The following TERF1 variants were observed in gnomAD, a reference collection of about 807,000 sequenced individuals.
The protein encoded by TERF1 is telomeric repeat binding factor 1.
TERF1 carries 20 observed loss-of-function variants against 55.1 expected under a neutral mutation model. The ratio of observed to expected loss-of-function variants is 0.36; its 90% CI spans 0.26 to 0.53. The LOEUF is 0.53. TERF1 is among the 20% of genes least tolerant of loss of function. The pLI, the probability that TERF1 is intolerant of heterozygous loss-of-function variation, is 0.91. For synonymous variants in TERF1, 168 were observed against 181.2 expected (o/e 0.93, Z 0.59); for missense variants, 439 against 535.7 (o/e 0.82, Z 1.78).
At chr8:73,025,754 C>CAAAAAAA (rs35028162) in intron 5 of TERF1, among the ~76,000 whole-genome samples, 1 of 47,262 alleles carries the variant, frequency 2.1e-5, no homozygotes, top group Non-Finnish European at 3.8e-5. Flanking sequence ...GACTCTGTCT[C>CAAAAAAA]AAAAAAAAAA....
At chr8:73,022,924 G>A (rs2975854) in intron 4 of TERF1, among the ~76,000 whole-genome samples, 1 of 151,922 alleles carries the variant, frequency 6.6e-6, no homozygotes, top group Admixed American at 6.6e-5. Context: ...AGAGAGAGAC[G>A]CTGTCTCTAA....
At chr8:73,018,257 TA>T in intron 2 of TERF1, among the ~76,000 whole-genome samples, 1 of 152,320 alleles carries the variant, frequency 6.6e-6, no homozygotes, top group South Asian at 2.1e-4. Flanking sequence ...TTTTTATATC[TA>T]AAATGTTGGA....
At chr8:73,032,400 C>A (rs1809326399) in intron 8 of TERF1, among the ~76,000 whole-genome samples, 1 of 152,156 alleles carries the variant, frequency 6.6e-6, no homozygotes, top group Non-Finnish European at 1.5e-5. Flanking sequence ...TATGCCACAT[C>A]ATGACATTTC....
Position 73,008,871 on chromosome 8 carries a change from A to C in TERF1, c.-16A>C. ...CTCGGCGCCTGAAGGGGCAGTACCC[A>C]AGCGAGCCATTTAACATGGCGGAGG... On this transcript the variant is annotated 5_prime_UTR_variant, in exon 1 of 10. Coordinates refer to ENST00000276603, the MANE Select transcript of TERF1 (RefSeq NM_017489.3). 6.3e-7 allele frequency: 1 copy of C among 1,592,336 alleles called. No individual in the cohort carries two copies. The highest frequency in any genetic ancestry group is 8.5e-7 in the Non-Finnish European group (1 of 1,170,568).
intron 8 of TERF1, among the ~76,000 whole-genome samples, chr8:73,038,068 A>G (rs923022751): frequency 7.4e-5 from 11 of 149,328 alleles, no homozygotes; most frequent in South Asian, 2.1e-4. Context: ...AGATAGGTAG[A>G]TAGATAGATA....
intron 8 of TERF1, among the ~76,000 whole-genome samples, chr8:73,037,827 A>AAATAT (rs1235178588): frequency 2.2e-5 from 2 of 92,326 alleles, no homozygotes; most frequent in East Asian, 5.1e-4. Context: ...TATAATATAT[A>AAATAT]GTATAATAAT....
chr8:73,023,770 C>G (rs994024793), intron 4 of TERF1, among the ~76,000 whole-genome samples: 8 of 152,186 alleles, frequency 5.3e-5, no homozygotes, highest in African/African-American at 1.9e-4. Context: ...ATGCCTCAGA[C>G]TGGCATCAAT....
chr8:73,037,443 A>T (rs1809582838), intron 8 of TERF1, among the ~76,000 whole-genome samples: 1 of 131,650 alleles, frequency 7.6e-6, no homozygotes, highest in Non-Finnish European at 1.6e-5. Context: ...TATAATATAT[A>T]TTATATATGT....
rs528307124 is a variant in TERF1 at position 73,028,367 on chromosome 8, C to T, written c.887+1315C>T. Among the ~76,000 whole-genome samples the T allele has an allele frequency of 2.1e-4, 32 of 152,178 alleles. No homozygotes were observed. In the South Asian group the frequency reaches 3.5e-3, roughly 17 times the overall value. On this transcript the variant is annotated intron_variant, in intron 6 of 9. Transcript: ENST00000276603. ...CAGCTGCTCTCCAAGTATTAGGAAC[C>T]GCACCTCAGAAATGCTTCTCCAATC...
intron 5 of TERF1, among the ~76,000 whole-genome samples, chr8:73,025,544 C>A (rs1222001511): frequency 6.6e-6 from 1 of 151,156 alleles, no homozygotes; most frequent in South Asian, 2.1e-4. Flanking sequence ...CACGGTCAGG[C>A]GGATCACACG....
intron 6 of TERF1, among the ~76,000 whole-genome samples, chr8:73,028,869 C>A (rs1422229323): frequency 6.6e-6 from 1 of 152,100 alleles, no homozygotes; most frequent in Non-Finnish European, 1.5e-5. Context: ...CTGATTCTTT[C>A]AATAGATTGA....
intron 9 of TERF1, among the ~76,000 whole-genome samples, chr8:73,045,294 G>GTAAA (rs1198378981): frequency 3.9e-5 from 6 of 152,178 alleles, no homozygotes; most frequent in African/African-American, 1.4e-4. Context: ...TCTAGACACA[G>GTAAA]TAAATAACCA....
chr8:73,033,456 G>A (rs971935735), intron 8 of TERF1, among the ~76,000 whole-genome samples: 1 of 152,170 alleles, frequency 6.6e-6, no homozygotes, highest in Non-Finnish European at 1.5e-5. Flanking sequence ...TAGGCCAGGC[G>A]CAGTGGCTCA....
Position 73,009,165 on chromosome 8 carries a change from C to T in TERF1, c.279C>T (p.Gly93=). Residue 93 remains glycine, a synonymous_variant, in exon 1 of 10, where the codon GGC becomes GGT. Coordinates refer to ENST00000276603, the MANE Select transcript of TERF1 (RefSeq NM_017489.3). ...CTCTTTGCCGAGCTTTCCGCGACGG[C>T]CGCTCCGAGGACTTCCGCAGGACCC... is the stretch of plus-strand genomic sequence containing the variant. ...CLSLCRAFRD[G]RSEDFRRTRN... 2 of 1,611,094 alleles carry T rather than the reference C, an allele frequency of 1.2e-6. No homozygotes were observed. Among genetic ancestry groups the T allele is most frequent in the Non-Finnish European group, 8.5e-7 (1 of 1,179,890 alleles).
intron 9 of TERF1, among the ~76,000 whole-genome samples, chr8:73,044,429 G>A (rs1809954207): frequency 6.6e-6 from 1 of 152,144 alleles, no homozygotes; most frequent in African/African-American, 2.4e-5. Flanking sequence ...TTGGTACTGA[G>A]TCATACACGA....
intron 9 of TERF1, among the ~76,000 whole-genome samples, chr8:73,040,082 C>G (rs923729776): frequency 3.4e-5 from 5 of 149,004 alleles, no homozygotes; most frequent in African/African-American, 5.0e-5. Context: ...GCACGCTACT[C>G]GGAATATCTT....
chr8:73,022,678 A>G (rs1808816458), intron 4 of TERF1, among the ~76,000 whole-genome samples: 1 of 152,116 alleles, frequency 6.6e-6, no homozygotes, highest in Non-Finnish European at 1.5e-5. Flanking sequence ...CCGGTGCAAT[A>G]GCTCATGCCT....
At position 73,045,653 on chromosome 8, in the gene TERF1, T is replaced by C. The variant is rs187961408; in HGVS notation, c.1144-308T>C. Among the ~76,000 whole-genome samples, 1,174 of 152,298 alleles carry C rather than the reference T, an allele frequency of 7.7e-3. 8 individuals are homozygous for C. The highest frequency in any genetic ancestry group is 0.011 in the Non-Finnish European group (715 of 68,006). On this transcript the variant is annotated intron_variant, in intron 9 of 9. Coordinates refer to ENST00000276603, the MANE Select transcript of TERF1 (RefSeq NM_017489.3). ...TAATAAATACAACTATTAACAATTG[T>C]AGAAGAGCATTTTAAGAGACAGTGT...
intron 8 of TERF1, among the ~76,000 whole-genome samples, chr8:73,033,561 C>T (rs1467994796): frequency 6.6e-6 from 1 of 152,078 alleles, no homozygotes; most frequent in African/African-American, 2.4e-5. Flanking sequence ...GGCGAAACCC[C>T]GTTTCTACTA....
Sources: gnomAD v4.1 joint callset for allele counts (sites outside exome capture counted in the v4.1 genomes callset) on GRCh38, gnomAD v4.1.1 for gene constraint, MANE v1.5 for transcripts, NCBI Gene and HGNC (gene_info 2026-07-23, HGNC 2026-07-21) for gene names.